Variants in TIMP3 observed in about 807,000 individuals in gnomAD.
TIMP3 encodes metalloproteinase inhibitor 3.
In TIMP3, 11 loss-of-function variants were observed where a neutral mutation model predicts 30.0. The observed-to-expected ratio is 0.37, with a 90% CI of 0.23 to 0.61. TIMP3 has a LOEUF of 0.61. TIMP3 is among the 20% of genes least tolerant of loss of function. The pLI, the probability that TIMP3 is intolerant of heterozygous loss-of-function variation, is 0.70. For missense variants in TIMP3, 181 were observed against 276.8 expected (o/e 0.65, Z 2.45); for synonymous variants, 112 against 111.3 (o/e 1.01, Z -0.04).
intron 1 of TIMP3, among the ~76,000 whole-genome samples, chr22:32,817,077 G>T (rs967258707): frequency 8.0e-6 from 1 of 125,182 alleles, no homozygotes; most frequent in Non-Finnish European, 1.7e-5. Flanking sequence ...AAAAAAAAAA[G>T]AAAAGGTGGT....
In TIMP3 at chr22:32,806,391, C is replaced by G. The variant is rs77157655; in HGVS notation, c.121+4269C>G. 9.7e-3 allele frequency among the ~76,000 whole-genome samples: 1,470 copies of G among 152,256 alleles called. 26 individuals carry two copies. The highest frequency in any genetic ancestry group is 0.033 in the African/African-American group (1,378 of 41,558). On this transcript the variant is annotated intron_variant, in intron 1 of 4. Transcript: ENST00000266085. ...GCTGAATGGCACATTCCAACAGGTT[C>G]ATTAATTAAAAACAAAAACAACAAC...
intron 1 of TIMP3, among the ~76,000 whole-genome samples, chr22:32,818,118 A>G (rs1390562566): frequency 1.3e-5 from 2 of 152,202 alleles, no homozygotes; most frequent in Admixed American, 6.5e-5. Flanking sequence ...AATCCCCCCA[A>G]AAAGGTAACC....
At chr22:32,852,734 G>C (rs558871597) in intron 2 of TIMP3, among the ~76,000 whole-genome samples, 1 of 139,834 alleles carries the variant, frequency 7.2e-6, no homozygotes, top group South Asian at 2.2e-4. Context: ...AGAGACCTGC[G>C]ATATGTGTGT....
At chr22:32,821,568 T>G (rs554266798) in intron 1 of TIMP3, among the ~76,000 whole-genome samples, 6 of 152,332 alleles carry the variant, frequency 3.9e-5, no homozygotes, top group South Asian at 2.1e-4. Context: ...GTCTTCAGGC[T>G]GGTTCTGAAA....
chr22:32,820,767 C>T (rs2146058911), intron 1 of TIMP3, among the ~76,000 whole-genome samples: 1 of 152,270 alleles, frequency 6.6e-6, no homozygotes, highest in East Asian at 1.9e-4. Flanking sequence ...GAAGCTTACT[C>T]ATACCTATTT....
intron 1 of TIMP3, among the ~76,000 whole-genome samples, chr22:32,829,897 T>G (rs2047524187): frequency 6.6e-6 from 1 of 152,224 alleles, no homozygotes; most frequent in South Asian, 2.1e-4. Flanking sequence ...CCTGACAGAC[T>G]TAAATGAGAA....
chr22:32,805,469 G>A (rs1354197051), intron 1 of TIMP3, among the ~76,000 whole-genome samples: 3 of 152,156 alleles, frequency 2.0e-5, no homozygotes, highest in East Asian at 1.9e-4. Context: ...TTGGAGAGGC[G>A]CCAGCACTTG....
In TIMP3 at chr22:32,829,080, T is replaced by C. The variant is rs920056884; in HGVS notation, c.122-20372T>C. 2.0e-5 allele frequency among the ~76,000 whole-genome samples: 3 copies of C among 152,258 alleles called. No individual in the cohort carries two copies. In the South Asian group the frequency reaches 6.2e-4, roughly 32 times the overall value. Reference sequence around the variant, plus strand: ...ATGGAACCAGCTGAAACTGGCACCATTTCTACCCTCAGAGGGTACCGCTGA... The same window carrying C: ...ATGGAACCAGCTGAAACTGGCACCACTTCTACCCTCAGAGGGTACCGCTGA... On this transcript the variant is annotated intron_variant, in intron 1 of 4. Transcript: ENST00000266085.
intron 1 of TIMP3, among the ~76,000 whole-genome samples, chr22:32,825,092 C>T (rs141419425): frequency 1.1e-4 from 17 of 151,282 alleles, no homozygotes; most frequent in African/African-American, 3.6e-4. Context: ...GGATTTCTTT[C>T]GGGTTTGGTA....
chr22:32,830,498 G>C (rs1432564082), intron 1 of TIMP3, among the ~76,000 whole-genome samples: 1 of 152,186 alleles, frequency 6.6e-6, no homozygotes, highest in Non-Finnish European at 1.5e-5. Context: ...CTCTTTCACA[G>C]AAACAGAGCT....
At chr22:32,828,794 G>A (rs1275410413) in intron 1 of TIMP3, among the ~76,000 whole-genome samples, 5 of 152,200 alleles carry the variant, frequency 3.3e-5, no homozygotes, top group South Asian at 2.1e-4. Context: ...TGGACTGAGC[G>A]TTCCCAGATT....
At chr22:32,848,961 C>T (rs2048143940) in intron 1 of TIMP3, among the ~76,000 whole-genome samples, 4 of 152,144 alleles carry the variant, frequency 2.6e-5, no homozygotes, top group Admixed American at 2.0e-4. Context: ...AGCTAGGGTG[C>T]ACCACAACCC....
intron 1 of TIMP3, among the ~76,000 whole-genome samples, chr22:32,820,076 T>C (rs2047193086): frequency 6.6e-6 from 1 of 152,020 alleles, no homozygotes; most frequent in Non-Finnish European, 1.5e-5. Context: ...GTGGGTGCTT[T>C]TCTGATTCCT....
intron 1 of TIMP3, among the ~76,000 whole-genome samples, chr22:32,819,160 G>A (rs1254104503): frequency 1.3e-5 from 2 of 152,230 alleles, no homozygotes; most frequent in East Asian, 3.9e-4. Flanking sequence ...TAGGGAGTGA[G>A]GTAGTGAAAG....
intron 1 of TIMP3, among the ~76,000 whole-genome samples, chr22:32,847,264 CG>C (rs2048092703): frequency 6.6e-6 from 1 of 152,132 alleles, no homozygotes; most frequent in African/African-American, 2.4e-5. Context: ...CCGGGGCCTC[CG>C]GGAGGCTGGC....
At chr22:32,846,762 T>C (rs2048075052) in intron 1 of TIMP3, among the ~76,000 whole-genome samples, 1 of 152,218 alleles carries the variant, frequency 6.6e-6, no homozygotes, top group Non-Finnish European at 1.5e-5. Context: ...TGAGAGGCAC[T>C]GGGCTAAGAA....
At chr22:32,822,697 A>C (rs1024959800) in intron 1 of TIMP3, among the ~76,000 whole-genome samples, 11 of 152,162 alleles carry the variant, frequency 7.2e-5, no homozygotes, top group Admixed American at 1.3e-4. Context: ...CTAACCGCTA[A>C]GGTGTCATCA....
intron 1 of TIMP3, among the ~76,000 whole-genome samples, chr22:32,825,748 A>C (rs5754304): frequency 0.057 from 8,459 of 147,176 alleles, 305 homozygotes; most frequent in African/African-American, 0.088. Flanking sequence ...TTATTTGTAC[A>C]TATGTGCATG....
intron 1 of TIMP3, among the ~76,000 whole-genome samples, chr22:32,847,918 C>A (rs1026819746): frequency 6.6e-6 from 1 of 152,206 alleles, no homozygotes. Context: ...TCATCACACC[C>A]CCTGATAGAG....
Sources: gnomAD v4.1 joint callset for allele counts (sites outside exome capture counted in the v4.1 genomes callset) on GRCh38, gnomAD v4.1.1 for gene constraint, MANE v1.5 for transcripts, NCBI Gene and HGNC (gene_info 2026-07-23, HGNC 2026-07-21) for gene names.